The following MYOF variants were observed in gnomAD, a reference collection of about 807,000 sequenced individuals.
MYOF encodes the protein fer-1-like 3, myoferlin.
Under a neutral mutation model 284.2 loss-of-function variants are expected in MYOF, and 244 were observed. That is an observed-to-expected ratio of 0.86 (90% confidence interval 0.77 to 0.95). MYOF has a LOEUF of 0.95. Among genes scored for constraint, MYOF ranks in the 40% least tolerant of loss-of-function variants. MYOF has a pLI of 0.00. For synonymous variants in MYOF, 904 were observed against 919.7 expected (o/e 0.98, Z 0.31); for missense variants, 2,496 against 2,560.6 (o/e 0.97, Z 0.54).
In MYOF at chr10:93,442,987, C is replaced by T. The variant is rs375645325; in HGVS notation, c.236+9063G>A. Among the ~76,000 whole-genome samples the T allele has an allele frequency of 1.0e-3, 152 of 151,516 alleles. 2 individuals are homozygous for T. Among genetic ancestry groups the T allele is most frequent in the Non-Finnish European group, 1.7e-3 (112 of 67,732 alleles). ...CAGCCTGGCCAAAATGGTGAAACCC[C>T]GTCTCTGGTAAAAAAAATACATAAA... is the stretch of plus-strand genomic sequence containing the variant. On this transcript the variant is annotated intron_variant, in intron 3 of 53. Transcript: ENST00000359263.
rs549488424 is a variant in MYOF, at chr10:93,333,573, T to C, written c.4719+185A>G. Among the ~76,000 whole-genome samples the C allele has an allele frequency of 2.6e-5, 4 of 152,274 alleles. No individual in the cohort carries two copies. In the South Asian group the frequency reaches 8.3e-4, roughly 32 times the overall value. On this transcript the variant is annotated intron_variant, in intron 42 of 53. Coordinates refer to ENST00000359263, the MANE Select transcript of MYOF (RefSeq NM_013451.4). ...AATGAGAAGGATGAACCAGGGGACC[T>C]TAAGCCCCCCGCAAGCTCTTAGATA... is the stretch of plus-strand genomic sequence containing the variant.
chr10:93,406,317 T>TATATATATATATATATATATATATA (rs1554855587), intron 7 of MYOF, among the ~76,000 whole-genome samples: 175 of 120,260 alleles, frequency 1.5e-3, no homozygotes, highest in Non-Finnish European at 2.6e-3. Context: ...TATATATATA[T>TATATATATATATATATATATATATA]TTGTTTTTAT....
intron 39 of MYOF, 37 bp from the exon 40 acceptor site, chr10:93,337,950 G>A (rs372314174): frequency 2.3e-5 from 33 of 1,465,996 alleles, no homozygotes; most frequent in Middle Eastern, 1.7e-4. Context: ...CTTTAGTGAT[G>A]TCCTGGATTT....
rs537352966 is a variant in MYOF at position 93,325,371 on chromosome 10, A to G, written c.5271+455T>C. 3.3e-3 allele frequency among the ~76,000 whole-genome samples: 507 copies of G among 152,296 alleles called. 4 individuals are homozygous for G. The highest frequency in any genetic ancestry group is 5.9e-3 in the Non-Finnish European group (398 of 68,026). ...CACCTCCTGAACCGGGCCGAGCTCA[A>G]TCACTTTCCCAGACCCTGCCCACCT... On this transcript the variant is annotated intron_variant, in intron 46 of 53. Coordinates refer to ENST00000359263, the MANE Select transcript of MYOF (RefSeq NM_013451.4).
At chr10:93,394,650 C>T (rs1345638236) in intron 16 of MYOF, among the ~76,000 whole-genome samples, 4 of 148,680 alleles carry the variant, frequency 2.7e-5, no homozygotes, top group East Asian at 2.0e-4. Flanking sequence ...TTAATGGAGA[C>T]GGGGTTTCAC....
intron 32 of MYOF, 145 bp downstream of exon 32, chr10:93,353,666 G>A (rs760273425): frequency 5.2e-6 from 3 of 581,200 alleles, no homozygotes; most frequent in Non-Finnish European, 9.1e-6. Context: ...TAATGACTGA[G>A]CAGTTTGCTT....
At chr10:93,329,589 G>A (rs977777263) in intron 44 of MYOF, 75 bp downstream of exon 44, 11 of 1,513,074 alleles carry the variant, frequency 7.3e-6, no homozygotes, top group Non-Finnish European at 1.0e-5. Context: ...AGGCACTAAG[G>A]TAGAGGGCCT....
intron 16 of MYOF, among the ~76,000 whole-genome samples, chr10:93,394,780 CTT>C (rs141999247): frequency 6.9e-6 from 1 of 143,908 alleles, no homozygotes. Context: ...CTTCTGATTG[CTT>C]TTTTTTTTCA....
At chr10:93,372,442 T>C (rs1240695751) in intron 24 of MYOF, among the ~76,000 whole-genome samples, 1 of 152,230 alleles carries the variant, frequency 6.6e-6, no homozygotes, top group African/African-American at 2.4e-5. Context: ...AGAGAGTCTA[T>C]GACTCTAAAA....
At chr10:93,390,289 C>T (rs577755329) in intron 17 of MYOF, among the ~76,000 whole-genome samples, 7 of 152,174 alleles carry the variant, frequency 4.6e-5, no homozygotes, top group South Asian at 2.1e-4. Flanking sequence ...TTTAAATGGG[C>T]GTGTACACAT....
At chr10:93,441,814 C>T (rs1057181882) in intron 3 of MYOF, among the ~76,000 whole-genome samples, 8 of 152,192 alleles carry the variant, frequency 5.3e-5, no homozygotes, top group Admixed American at 3.3e-4. Flanking sequence ...CCACCTGCCT[C>T]GGCCTCCCAA....
At position 93,323,293 on chromosome 10, in the gene MYOF, G is replaced by T; in HGVS notation, c.5337C>A (p.Asn1779Lys). ...ACTTCTTGGCTTTCCGGGGTGTGAT[G>T]TTGAAAGGAGGGCCTGGTGGCCCCA... ...KSLGPPGPPF[N>K]ITPRKAKKYY... The change falls in exon 47 of 54, where the codon AAC (asparagine) becomes AAA (lysine). Residue 1779 changes from asparagine to lysine, a missense_variant. Coordinates refer to ENST00000359263, the MANE Select transcript of MYOF (RefSeq NM_013451.4). The T allele has an allele frequency of 6.2e-7, 1 of 1,614,124 alleles. No individual in the cohort carries two copies. The highest frequency in any genetic ancestry group is 8.5e-7 in the Non-Finnish European group (1 of 1,179,972).
rs1273755491 is a variant in MYOF at position 93,369,754 on chromosome 10, C to G, written c.2480G>C (p.Gly827Ala). The G allele has an allele frequency of 6.2e-7, 1 of 1,614,126 alleles. No homozygotes were observed. Among genetic ancestry groups the G allele is most frequent in the South Asian group, 1.1e-5 (1 of 91,078 alleles). Residue 827 changes from glycine to alanine, a missense_variant, in exon 25 of 54, where the codon GGG (glycine) becomes GCG (alanine). Gly to Ala is a moderately conservative substitution (Grantham distance 60). This residue lies in a region of MYOF where 2,436 missense variants were observed against 2,480.7 expected (regional missense o/e 0.98). Transcript: ENST00000359263. ...TCGCAACTCCACAGGCACCTTTGGC[C>G]CGTTGTTTTTCTCCTGTGGATACTG... ...FLKYPQEKNN[G>A]PKVPVELRVN...
rs1374973053 is a variant in MYOF at position 93,329,759 on chromosome 10, G to C, written c.4887C>G (p.Thr1629=). The change falls in exon 44 of 54, where the codon ACC becomes ACG. Residue 1629 remains threonine (T), a synonymous_variant. Transcript: ENST00000359263. The stretch of plus-strand genomic sequence containing the variant: ...TTGTTTCTCCTACTTTTTCATCCCG[G>C]GTAAAGGTGTCATAATCATAGACAG... ...KISVYDYDTF[T]RDEKVGETII... 6.2e-7 allele frequency: 1 copy of C among 1,614,196 alleles called. No homozygotes were observed. The highest frequency in any genetic ancestry group is 2.2e-5 in the East Asian group (1 of 44,892).
At chr10:93,325,261 A>T (rs1046344427) in intron 46 of MYOF, among the ~76,000 whole-genome samples, 1 of 152,174 alleles carries the variant, frequency 6.6e-6, no homozygotes, top group Non-Finnish European at 1.5e-5. Context: ...GCTTCTGTGG[A>T]AACTGCTCTC....
chr10:93,312,634 C>T (rs1229161919), intron 51 of MYOF, among the ~76,000 whole-genome samples: 1 of 152,004 alleles, frequency 6.6e-6, no homozygotes, highest in African/African-American at 2.4e-5. Flanking sequence ...TGAGCCACCA[C>T]ACCCAGCCCT....
At chr10:93,313,298 G>C (rs958343803) in intron 50 of MYOF, 88 bp from the exon 51 acceptor site, 4 of 1,240,298 alleles carry the variant, frequency 3.2e-6, no homozygotes, top group Non-Finnish European at 4.5e-6. Flanking sequence ...TATCAGGAGA[G>C]AGGCACACAG....
At chr10:93,436,621 A>G (rs1279649737) in intron 3 of MYOF, among the ~76,000 whole-genome samples, 2 of 152,206 alleles carry the variant, frequency 1.3e-5, no homozygotes, top group Non-Finnish European at 2.9e-5. Context: ...TGAATTGAAG[A>G]AAATACGCCC....
rs115326814 is a variant in MYOF, at chr10:93,411,808, G to A, written c.434-2069C>T. Among the ~76,000 whole-genome samples, 516 of 152,248 alleles carry A rather than the reference G, an allele frequency of 3.4e-3. 5 individuals carry two copies. The highest frequency in any genetic ancestry group is 0.011 in the African/African-American group (477 of 41,540). ...CAATCACCTCTCTTTGCCAAGCTCC[G>A]TGCCCTTTTCTGTATCTCCATATTG... is the stretch of plus-strand genomic sequence containing the variant. On this transcript the variant is annotated intron_variant, in intron 5 of 53. Transcript: ENST00000359263.
Sources: gnomAD v4.1 joint callset for allele counts (sites outside exome capture counted in the v4.1 genomes callset) on GRCh38, gnomAD v4.1.1 for gene constraint, gnomAD v4.1.1 regional missense constraint, MANE v1.5 for transcripts, NCBI Gene and HGNC (gene_info 2026-07-23, HGNC 2026-07-21) for gene names.